CREB3L2: variants seen among roughly 807,000 people sequenced by gnomAD.
CREB3L2 encodes the protein cyclic AMP-responsive element-binding protein 3-like protein 2.
Under a neutral mutation model 57.2 loss-of-function variants are expected in CREB3L2, and 23 were observed. The observed-to-expected ratio is 0.40, with a 90% CI of 0.29 to 0.57. The LOEUF is 0.57. Ranked by LOEUF, CREB3L2 falls within the 20% of genes least tolerant of loss-of-function variation. The probability of loss-of-function intolerance (pLI) is 0.42; values close to 1 mark genes in which losing one functional copy is unlikely to be tolerated. For synonymous variants in CREB3L2, 268 were observed against 265.1 expected, an observed-to-expected ratio of 1.01 and a Z score of -0.11; for missense variants, 628 against 634.7, an observed-to-expected ratio of 0.99 and a Z score of 0.11.
chr7:137,952,856 C>T (rs1801130407), intron 1 of CREB3L2, among the ~76,000 whole-genome samples: 1 of 152,106 alleles, frequency 6.6e-6, no homozygotes, highest in Admixed American at 6.5e-5. Context: ...TCACTCTTGT[C>T]AACTAGGCTG....
intron 8 of CREB3L2, among the ~76,000 whole-genome samples, chr7:137,896,666 T>C (rs1799634122): frequency 6.6e-6 from 1 of 152,054 alleles, no homozygotes; most frequent in African/African-American, 2.4e-5. Context: ...GATGAATCCA[T>C]TGCCAGCCAT....
intron 4 of CREB3L2, among the ~76,000 whole-genome samples, chr7:137,911,171 G>A (rs1799997750): frequency 6.6e-6 from 1 of 152,182 alleles, no homozygotes; most frequent in South Asian, 2.1e-4. Context: ...AAGCTGAAAG[G>A]CACTACTGTC....
rs201841498 is a variant in CREB3L2 at position 137,897,444 on chromosome 7, A to G, written c.1043+3910T>C. Among the ~76,000 whole-genome samples the G allele has an allele frequency of 8.9e-4, 135 of 152,280 alleles. 3 individuals are homozygous for G. In the East Asian group the frequency reaches 0.026, roughly 29 times the overall value. ...GAGTGCAATGGCACAATCTCGGCTC[A>G]CTGCAGCCTCTGCCTCCTAGGTTCA... On this transcript the variant is annotated intron_variant, in intron 8 of 11. Coordinates refer to ENST00000330387, the MANE Select transcript of CREB3L2 (RefSeq NM_194071.4).
At chr7:137,999,144 C>A (rs188308879) in intron 1 of CREB3L2, among the ~76,000 whole-genome samples, 1 of 152,050 alleles carries the variant, frequency 6.6e-6, no homozygotes, top group Admixed American at 6.6e-5. Flanking sequence ...CTACCTTAGG[C>A]CTTTGCTCTA....
intron 8 of CREB3L2, among the ~76,000 whole-genome samples, chr7:137,900,686 C>T (rs1799733600): frequency 6.6e-6 from 1 of 151,676 alleles, no homozygotes; most frequent in African/African-American, 2.4e-5. Flanking sequence ...TGCCTGTAGT[C>T]CCAGCTGCTC....
chr7:137,901,304 C>T, intron 8 of CREB3L2, 50 bp downstream of exon 8: 1 of 1,153,214 alleles, frequency 8.7e-7, no homozygotes, highest in Non-Finnish European at 1.3e-6. Flanking sequence ...CCTCTTCCTT[C>T]CCCATCTTCC....
At chr7:137,952,138 T>C (rs1801114090) in intron 1 of CREB3L2, among the ~76,000 whole-genome samples, 1 of 152,194 alleles carries the variant, frequency 6.6e-6, no homozygotes, top group Non-Finnish European at 1.5e-5. Context: ...TCCATTAATA[T>C]CTCTGAGAAA....
intron 1 of CREB3L2, among the ~76,000 whole-genome samples, chr7:137,998,120 C>T (rs1311798364): frequency 1.4e-4 from 22 of 152,196 alleles, no homozygotes; most frequent in Admixed American, 1.4e-3. Flanking sequence ...TATCCATATG[C>T]TTCATTATTT....
At chr7:137,955,428 C>T in intron 1 of CREB3L2, 3 of 617,426 alleles carry the variant, frequency 4.9e-6, no homozygotes, top group Non-Finnish European at 7.9e-6. Context: ...TTAATCCCCA[C>T]ACGCCAAACT....
chr7:137,948,034 A>C (rs1370356253), intron 1 of CREB3L2, among the ~76,000 whole-genome samples: 2 of 152,164 alleles, frequency 1.3e-5, no homozygotes, highest in Admixed American at 6.6e-5. Flanking sequence ...GGCTCCCTGG[A>C]TGAACAAGGT....
intron 4 of CREB3L2, 131 bp downstream of exon 4, chr7:137,912,860 C>T (rs772462158): frequency 6.5e-7 from 1 of 1,539,964 alleles, no homozygotes; most frequent in Non-Finnish European, 8.8e-7. Flanking sequence ...TTTTTAAGAA[C>T]AGAGCTATTT....
chr7:137,997,064 G>A (rs971322297), intron 1 of CREB3L2, among the ~76,000 whole-genome samples: 1 of 152,228 alleles, frequency 6.6e-6, no homozygotes, highest in South Asian at 2.1e-4. Flanking sequence ...CTCTTTCCAT[G>A]GGGCCTTCCC....
At chr7:137,992,937 C>T (rs1371138723) in intron 1 of CREB3L2, among the ~76,000 whole-genome samples, 1 of 152,138 alleles carries the variant, frequency 6.6e-6, no homozygotes, top group Non-Finnish European at 1.5e-5. Context: ...GAAATGGAGG[C>T]CATGGCTGGT....
At chr7:137,881,316 TCCAAAA>T (rs749641992) in intron 11 of CREB3L2, among the ~76,000 whole-genome samples, 2 of 152,188 alleles carry the variant, frequency 1.3e-5, no homozygotes, top group Non-Finnish European at 2.9e-5. Context: ...TCTAAAATGC[TCCAAAA>T]TCTAGAAATT....
chr7:137,900,870 TA>T, intron 8 of CREB3L2, among the ~76,000 whole-genome samples: 1 of 152,316 alleles, frequency 6.6e-6, no homozygotes. Flanking sequence ...CATTTGCTAC[TA>T]AAATTAGATT....
chr7:137,899,041 A>AAAAAAGAAAAAG (rs1554494814), intron 8 of CREB3L2, among the ~76,000 whole-genome samples: 1 of 81,924 alleles, frequency 1.2e-5, no homozygotes, highest in Non-Finnish European at 2.5e-5. Flanking sequence ...AGAAAGGAAG[A>AAAAAAGAAAAAG]AAAAAGAAAG....
At position 138,002,051 on chromosome 7, in the gene CREB3L2, C is replaced by A; in HGVS notation, c.-346G>T. 1 of 307,584 alleles carries A rather than the reference C, an allele frequency of 3.3e-6. No individual in the cohort carries two copies. Among genetic ancestry groups the A allele is most frequent in the Non-Finnish European group, 6.1e-6 (1 of 164,002 alleles). 19.1% of individuals were successfully genotyped at this position (307,584 alleles called of 1,614,324 possible). ...GCCCACTTGCCGCTACGGCTCCAGA[C>A]ACAAACTTTGAGGGACCCCAGGGCT... is the stretch of plus-strand genomic sequence containing the variant. On this transcript the variant is annotated 5_prime_UTR_variant, in exon 1 of 12. Transcript: ENST00000330387.
intron 6 of CREB3L2, 92 bp downstream of exon 6, chr7:137,905,610 G>A (rs1278827467): frequency 7.4e-7 from 1 of 1,356,788 alleles, no homozygotes; most frequent in African/African-American, 1.4e-5. Context: ...CATGGGATGG[G>A]GTAGTGCTGG....
intron 1 of CREB3L2, among the ~76,000 whole-genome samples, chr7:137,998,706 T>C (rs1802029551): frequency 6.6e-6 from 1 of 152,242 alleles, no homozygotes; most frequent in South Asian, 2.1e-4. Flanking sequence ...TGGCATAATA[T>C]TTGTAAAGCA....
Sources: allele counts gnomAD v4.1 joint callset (sites outside exome capture counted in the v4.1 genomes callset), GRCh38; gene constraint gnomAD v4.1.1; transcripts MANE v1.5; gene names NCBI Gene and HGNC (gene_info 2026-07-23, HGNC 2026-07-21).